DNAJC28: variants seen among roughly 807,000 people sequenced by gnomAD.
DNAJC28 encodes dnaJ homolog subfamily C member 28.
In DNAJC28, 24 loss-of-function variants were observed where a neutral mutation model predicts 33.3. The observed-to-expected ratio is 0.72, with a 90% CI of 0.52 to 1.01. DNAJC28 has a LOEUF of 1.01. Ranked by LOEUF, DNAJC28 falls within the 50% of genes least tolerant of loss-of-function variation. The probability of loss-of-function intolerance (pLI) is 0.00; values close to 1 mark genes in which losing one functional copy is unlikely to be tolerated. For synonymous variants in DNAJC28, 120 were observed against 147.2 expected, an observed-to-expected ratio of 0.82 and a Z score of 1.34; for missense variants, 442 against 455.2, an observed-to-expected ratio of 0.97 and a Z score of 0.26.
chr21:33,490,733 C>G (rs889915372), intron 1 of DNAJC28, among the ~76,000 whole-genome samples: 12 of 152,048 alleles, frequency 7.9e-5, no homozygotes, highest in South Asian at 2.1e-4. Flanking sequence ...TGCACTCCAG[C>G]CTGGGCAACA....
rs188003048 is a variant in DNAJC28 at position 33,491,666 on chromosome 21, G to A, written c.-96C>T. ...CTTCCGCCAAACGAACTTTACCCCG[G>A]AGGACCCAGGCAGGGCACCTCGGGA... On this transcript the variant is annotated 5_prime_UTR_variant, in exon 1 of 2. Transcript: ENST00000381947. The A allele has an allele frequency of 6.6e-6, 1 of 152,348 alleles. No individual in the cohort carries two copies. The highest frequency in any genetic ancestry group is 6.5e-5 in the Admixed American group (1 of 15,286). The allele number at this position is 152,348 out of a possible 1,614,324, so 9.4% of individuals were successfully genotyped here.
rs757834589 is a variant in DNAJC28 at position 33,488,179 on chromosome 21, TC to T, written c.*47del. On this transcript the variant is annotated 3_prime_UTR_variant, in exon 2 of 2. Transcript: ENST00000381947. ...TGTATTATAGCAATAAATCTCATTT[TC>T]CATGTAAAGTGTCAGTGGAACTAAG... 1.5e-6 allele frequency: 2 copies of T among 1,374,110 alleles called. No homozygotes were observed. The highest frequency in any genetic ancestry group is 2.4e-5 in the East Asian group (1 of 41,060). 85.1% of individuals were successfully genotyped at this position (1,374,110 alleles called of 1,614,324 possible).
In DNAJC28 at chr21:33,489,138, T is replaced by C. The variant is rs756061534; in HGVS notation, c.256A>G (p.Thr86Ala). The part of the protein sequence containing the change: ...KQYHPDSGSN[T>A]ADSATFIRIE... ...CTTATAAATGTTGCAGAATCAGCAG[T>C]ATTAGAGCCACTGTCAGGATGATAT... Residue 86 changes from threonine to alanine, a missense_variant, in exon 2 of 2, where the codon ACT becomes GCT. Physicochemically the swap from Thr to Ala is moderately conservative, Grantham distance 58. Coordinates refer to ENST00000381947, the MANE Select transcript of DNAJC28 (RefSeq NM_001040192.3). 25 of 1,613,934 alleles carry C rather than the reference T, an allele frequency of 1.5e-5. No individual in the cohort carries two copies. The South Asian group carries it at 2.4e-4, about 16-fold the overall frequency.
At position 33,488,077 on chromosome 21, in the gene DNAJC28, G is replaced by C. The variant is rs1300625409; in HGVS notation, c.*150C>G. On this transcript the variant is annotated 3_prime_UTR_variant, in exon 2 of 2. Coordinates refer to ENST00000381947, the MANE Select transcript of DNAJC28 (RefSeq NM_001040192.3). Reference sequence around the variant, plus strand: ...CTTGCTATATCCTCAGGACAAACCTGATAGGTTTCTCACTCACACATCATT... The same window carrying C: ...CTTGCTATATCCTCAGGACAAACCTCATAGGTTTCTCACTCACACATCATT... 7.9e-6 allele frequency: 5 copies of C among 631,486 alleles called. No individual in the cohort carries two copies. In the East Asian group the frequency reaches 1.6e-4, roughly 20 times the overall value. The allele number at this position is 631,486 out of a possible 1,614,324, so 39.1% of individuals were successfully genotyped here.
chr21:33,490,073 G>T (rs2084508286), intron 1 of DNAJC28, among the ~76,000 whole-genome samples: 1 of 151,066 alleles, frequency 6.6e-6, no homozygotes, highest in South Asian at 2.1e-4. Flanking sequence ...GATTATAGGG[G>T]TGAGCCACTG....
In DNAJC28 at chr21:33,488,610, C is replaced by G. The variant is rs752100416; in HGVS notation, c.784G>C (p.Glu262Gln). 2.5e-6 allele frequency: 4 copies of G among 1,613,928 alleles called. No homozygotes were observed. The highest frequency in any genetic ancestry group is 1.7e-5 in the Admixed American group (1 of 59,986). Residue 262 changes from glutamate to glutamine, a missense_variant, in exon 2 of 2, where the codon GAA (glutamate) becomes CAA (glutamine). Glu to Gln is a conservative substitution (Grantham distance 29). Coordinates refer to ENST00000381947, the MANE Select transcript of DNAJC28 (RefSeq NM_001040192.3). ...AGTTGCTCAATAGTATCGCTTATTT[C>G]CTTTTGCTTAAGGATCCATTCTGGT... ...YQPEWILKQK[E>Q]ISDTIEQLRE... is the part of the protein sequence containing the mutation.
rs780212708 is a variant in DNAJC28, at chr21:33,488,416, G to A, written c.978C>T (p.Val326=). 2 of 1,590,948 alleles carry A rather than the reference G, an allele frequency of 1.3e-6. No homozygotes were observed. Among genetic ancestry groups the A allele is most frequent in the Admixed American group, 1.9e-5 (1 of 53,342 alleles). The part of the protein sequence containing the change: ...LIVPILTRQK[V]HFDAQKEIVR... ...CAATTTCTTTCTGAGCATCAAAATG[G>A]ACTTTTTGCCTGGTCAGGATGGGAA... The change falls in exon 2 of 2, where the codon GTC becomes GTT. Residue 326 remains valine, a synonymous_variant. Coordinates refer to ENST00000381947, the MANE Select transcript of DNAJC28 (RefSeq NM_001040192.3).
Position 33,489,420 on chromosome 21 carries a change from A to G in DNAJC28, c.-27T>C, listed in dbSNP as rs2084501199. 6.9e-7 allele frequency: 1 copy of G among 1,455,110 alleles called. No individual in the cohort carries two copies. The highest frequency in any genetic ancestry group is 1.6e-5 in the South Asian group (1 of 62,094). The allele number at this position is 1,455,110 out of a possible 1,614,324, so 90.1% of individuals were successfully genotyped here. ...ATTGTACCCAGAGTTCTTCCTAGCA[A>G]TGACCTATAAAACGACAACAAATAT... On this transcript the variant is annotated 5_prime_UTR_variant, in exon 2 of 2. Coordinates refer to ENST00000381947, the MANE Select transcript of DNAJC28 (RefSeq NM_001040192.3).
chr21:33,488,492 T>C lies in DNAJC28; in HGVS notation c.902A>G (p.Gln301Arg). ...KQWNHVCEQF[Q>R]ENIRKLNKRI... ...CTTGTTTAATTTTCTGATGTTTTCT[T>C]GAAACTGCTCACAAACATGGTTCCA... Residue 301 changes from glutamine (Q) to arginine (R), a missense_variant, in exon 2 of 2, where the codon CAA (glutamine) becomes CGA (arginine). Gln to Arg is a conservative substitution (Grantham distance 43). Transcript: ENST00000381947. 1 of 1,612,888 alleles carries C rather than the reference T, an allele frequency of 6.2e-7. No homozygotes were observed. Among genetic ancestry groups the C allele is most frequent in the Non-Finnish European group, 8.5e-7 (1 of 1,179,724 alleles).
chr21:33,488,552 A>G lies in DNAJC28; in HGVS notation c.842T>C (p.Leu281Pro), dbSNP rs777657441. The G allele has an allele frequency of 3.1e-6, 5 of 1,613,070 alleles. No homozygotes were observed. Among genetic ancestry groups the G allele is most frequent in the Middle Eastern group, 1.6e-4 (1 of 6,082 alleles). The change falls in exon 2 of 2, where the codon CTT becomes CCT. Residue 281 changes from leucine to proline, a missense_variant. Physicochemically the swap from Leu to Pro is moderately conservative, Grantham distance 98. Transcript: ENST00000381947. ...REAILVSRKK[L>P]GNPMTPTEKK... Reference sequence around the variant, plus strand: ...TTCAGTTGGTGTCATTGGATTCCCAAGTTTTTTCCTAGACACTAAAATTGC... The same window carrying G: ...TTCAGTTGGTGTCATTGGATTCCCAGGTTTTTTCCTAGACACTAAAATTGC...
At position 33,489,335 on chromosome 21, in the gene DNAJC28, G is replaced by C. The variant is rs771035152; in HGVS notation, c.59C>G (p.Thr20Arg). Residue 20 changes from threonine (T) to arginine (R), a missense_variant, in exon 2 of 2, where the codon ACA becomes AGA. Physicochemically the swap from Thr to Arg is moderately conservative, Grantham distance 71. Transcript: ENST00000381947. ...QILRSHLIKATVIPNRVKMLP... is the reference protein window; with the variant it reads ...QILRSHLIKARVIPNRVKMLP... ...CATTTTCACTCGATTAGGAATCACT[G>C]TAGCCTTTATCAGGTGAGATCTTAA... is the stretch of plus-strand genomic sequence containing the variant. 6.4e-7 allele frequency: 1 copy of C among 1,566,776 alleles called. No homozygotes were observed. The highest frequency in any genetic ancestry group is 1.2e-5 in the South Asian group (1 of 81,174).
rs539102744 is a variant in DNAJC28, at chr21:33,490,100, TTTTTC to T, written c.-31-681_-31-677del. Among the ~76,000 whole-genome samples, 903 of 148,700 alleles carry T rather than the reference TTTTTC, an allele frequency of 6.1e-3. 2 individuals carry two copies. The highest frequency in any genetic ancestry group is 9.3e-3 in the African/African-American group (375 of 40,218). On this transcript the variant is annotated intron_variant, in intron 1 of 1. Coordinates refer to ENST00000381947, the MANE Select transcript of DNAJC28 (RefSeq NM_001040192.3). ...GAGCCACTGTGCCCAGCCACATTCT[TTTTTC>T]TTTTCTTTTCTTTTCTTTTTTTTTT... is the stretch of plus-strand genomic sequence containing the variant.
chr21:33,488,285 T>C lies in DNAJC28; in HGVS notation c.1109A>G (p.Lys370Arg), dbSNP rs751212470. 4.1e-5 allele frequency: 63 copies of C among 1,541,426 alleles called. No individual in the cohort carries two copies. The highest frequency in any genetic ancestry group is 5.2e-5 in the Non-Finnish European group (60 of 1,153,746). Residue 370 changes from lysine to arginine, a missense_variant, in exon 2 of 2, where the codon AAG (lysine) becomes AGG (arginine). By Grantham distance (26) the Lys-to-Arg change is conservative. Coordinates refer to ENST00000381947, the MANE Select transcript of DNAJC28 (RefSeq NM_001040192.3). ...ATTCATCCAGTTTAAAAAACCTTTC[T>C]TGATTTCAGGTGTTTTCTCTCCTTC... Reference protein sequence around the residue: ...QGEGEKTPEIKKGFLNWMNLW... With the variant: ...QGEGEKTPEIRKGFLNWMNLW...
At chr21:33,491,528 T>G (rs1220450443) in intron 1 of DNAJC28, 74 bp downstream of exon 1, 1 of 152,558 alleles carries the variant, frequency 6.6e-6, no homozygotes, top group Non-Finnish European at 1.5e-5. Flanking sequence ...CGCCTCCAGC[T>G]GGTGCCTCCG....
chr21:33,491,125 C>T (rs1216059902), intron 1 of DNAJC28: 2 of 152,162 alleles, frequency 1.3e-5, no homozygotes, highest in African/African-American at 2.4e-5. Flanking sequence ...CTCCACAGCT[C>T]GCTAGGAAGG....
chr21:33,491,037 A>C (rs1273483041), intron 1 of DNAJC28: 1 of 152,236 alleles, frequency 6.6e-6, no homozygotes, highest in Non-Finnish European at 1.5e-5. Flanking sequence ...AAGTCTTCTC[A>C]TAAGACGACT....
rs763604079 is a variant in DNAJC28 at position 33,488,601 on chromosome 21, C to T, written c.793G>A (p.Asp265Asn). The T allele has an allele frequency of 7.4e-6, 12 of 1,613,952 alleles. No individual in the cohort carries two copies. Among genetic ancestry groups the T allele is most frequent in the South Asian group, 5.5e-5 (5 of 91,024 alleles). The change falls in exon 2 of 2, where the codon GAT (aspartate) becomes AAT (asparagine). Residue 265 changes from aspartate (D) to asparagine (N), a missense_variant. Asp to Asn is a conservative substitution (Grantham distance 23). Transcript: ENST00000381947. ...GCCTCTCTGAGTTGCTCAATAGTAT[C>T]GCTTATTTCCTTTTGCTTAAGGATC... ...EWILKQKEIS[D>N]TIEQLREAIL...
Position 33,489,903 on chromosome 21 carries a change from C to T in DNAJC28, c.-31-479G>A, listed in dbSNP as rs114376814. Among the ~76,000 whole-genome samples, 620 of 150,792 alleles carry T rather than the reference C, an allele frequency of 4.1e-3. 8 individuals carry two copies. Among genetic ancestry groups the T allele is most frequent in the African/African-American group, 0.014 (567 of 41,058 alleles). On this transcript the variant is annotated intron_variant, in intron 1 of 1. Coordinates refer to ENST00000381947, the MANE Select transcript of DNAJC28 (RefSeq NM_001040192.3). Reference sequence around the variant, plus strand: ...CAACCTCCTGGGCTGAAGTGATCCTCCCACCTCTGCCTCTCATGTTGCTAG... The same window carrying T: ...CAACCTCCTGGGCTGAAGTGATCCTTCCACCTCTGCCTCTCATGTTGCTAG...
rs768395099 is a variant in DNAJC28, at chr21:33,488,687, A to G, written c.707T>C (p.Ile236Thr). Reference protein sequence around the residue: ...PLKKFSDCSYIDPMTHNLNRI... With the variant: ...PLKKFSDCSYTDPMTHNLNRI... Reference sequence around the variant, plus strand: ...GTTCAGGTTGTGAGTCATGGGATCAATGTAAGAACAGTCAGAAAACTTTTT... The same window carrying G: ...GTTCAGGTTGTGAGTCATGGGATCAGTGTAAGAACAGTCAGAAAACTTTTT... The change falls in exon 2 of 2, where the codon ATT becomes ACT. Residue 236 changes from isoleucine to threonine, a missense_variant. By Grantham distance (89) the Ile-to-Thr change is moderately conservative. Coordinates refer to ENST00000381947, the MANE Select transcript of DNAJC28 (RefSeq NM_001040192.3). 1.9e-6 allele frequency: 3 copies of G among 1,610,930 alleles called. No individual in the cohort carries two copies. The highest frequency in any genetic ancestry group is 2.5e-6 in the Non-Finnish European group (3 of 1,179,292).
Sources: allele counts gnomAD v4.1 joint callset (sites outside exome capture counted in the v4.1 genomes callset), GRCh38; gene constraint gnomAD v4.1.1; transcripts MANE v1.5; gene names NCBI Gene and HGNC (gene_info 2026-07-23, HGNC 2026-07-21).